The following PLCD4 variants were observed in gnomAD, a reference collection of about 807,000 sequenced individuals.
PLCD4 encodes 1-phosphatidylinositol 4,5-bisphosphate phosphodiesterase delta-4.
PLCD4 carries 63 observed loss-of-function variants against 90.2 expected under a neutral mutation model. The ratio of observed to expected loss-of-function variants is 0.70; its 90% CI spans 0.57 to 0.86. The LOEUF (loss-of-function observed/expected upper bound fraction) is 0.86, where lower values mean the gene tolerates loss of function less well. Among genes scored for constraint, PLCD4 ranks in the 40% least tolerant of loss-of-function variants. The pLI is 0.00. For missense variants in PLCD4, 830 were observed against 956.3 expected (o/e 0.87, Z 1.74); for synonymous variants, 294 against 356.5 (o/e 0.82, Z 1.97).
At chr2:218,611,432 G>A (rs1695327353) in intron 1 of PLCD4, among the ~76,000 whole-genome samples, 1 of 152,152 alleles carries the variant, frequency 6.6e-6, no homozygotes, top group Admixed American at 6.6e-5. Flanking sequence ...AGGCGTAAGG[G>A]AAGGTAATGC....
chr2:218,618,486 T>C, intron 3 of PLCD4, 93 bp from the exon 4 acceptor site: 2 of 1,105,260 alleles, frequency 1.8e-6, no homozygotes, highest in South Asian at 1.4e-5. Context: ...TTCTATGGTG[T>C]CATGGAGAAG....
chr2:218,626,311 A>G (rs1360752101), intron 6 of PLCD4, among the ~76,000 whole-genome samples: 1 of 151,658 alleles, frequency 6.6e-6, no homozygotes, highest in Non-Finnish European at 1.5e-5. Context: ...CTTCTTCACA[A>G]TCTCCAGGCC....
chr2:218,622,567 T>TA (rs965387669), intron 5 of PLCD4, 80 bp from the exon 6 acceptor site: 15 of 1,033,252 alleles, frequency 1.5e-5, no homozygotes, highest in Admixed American at 3.0e-5. Flanking sequence ...CAGAAAAATT[T>TA]AAAAAAAAAT....
rs1184250728 is a variant in PLCD4 at position 218,616,724 on chromosome 2, T to TAC, written c.181+663_181+664insCA. Among the ~76,000 whole-genome samples, 466 of 112,610 alleles carry TAC rather than the reference T, an allele frequency of 4.1e-3. 2 individuals are homozygous for TAC. Among genetic ancestry groups the TAC allele is most frequent in the Admixed American group, 6.3e-3 (55 of 8,748 alleles). The allele number at this position is 112,610 out of a possible 152,430, so 73.9% of individuals were successfully genotyped here. On this transcript the variant is annotated intron_variant, in intron 3 of 15. Transcript: ENST00000450993. ...GAGACCCTGTCTCTACAAAAATACA[T>TAC]ATATACATACATACATACATACATA...
chr2:218,618,692 C>T lies in PLCD4; in HGVS notation c.295C>T (p.Arg99Cys), dbSNP rs781374480. The T allele has an allele frequency of 5.6e-5, 90 of 1,613,736 alleles. No individual in the cohort carries two copies. Among genetic ancestry groups the T allele is most frequent in the Admixed American group, 8.3e-5 (5 of 59,980 alleles). Residue 99 changes from arginine (R) to cysteine (C), a missense_variant, in exon 4 of 16, where the codon CGC becomes TGC. Coordinates refer to ENST00000450993, the MANE Select transcript of PLCD4 (RefSeq NM_032726.4). ...CTTCACCATTGTCTTCCATGGCCGC[C>T]GCTCCAACCTGGACCTGATGGCCAA... ...QGFTIVFHGR[R>C]SNLDLMANSV...
At chr2:218,636,446 A>G (rs747133952) in intron 15 of PLCD4, 25 bp from the exon 16 acceptor site, 1 of 1,613,906 alleles carries the variant, frequency 6.2e-7, no homozygotes, top group Non-Finnish European at 8.5e-7. Context: ...CTGCCTTCCT[A>G]ATGCTGTCCT....
chr2:218,623,282 T>G (rs1445541640), intron 6 of PLCD4, among the ~76,000 whole-genome samples: 2 of 152,212 alleles, frequency 1.3e-5, no homozygotes, highest in Non-Finnish European at 2.9e-5. Context: ...ATGGTTCCTG[T>G]TTGCTATTCC....
chr2:218,618,605 C>G lies in PLCD4; in HGVS notation c.208C>G (p.Arg70Gly). The change falls in exon 4 of 16, where the codon CGT becomes GGT. Residue 70 changes from arginine to glycine, a missense_variant. Coordinates refer to ENST00000450993, the MANE Select transcript of PLCD4 (RefSeq NM_032726.4). ...SFSISDVETIRNGHDSELLRS... is the reference protein window; with the variant it reads ...SFSISDVETIGNGHDSELLRS... ...CTCAATCTCTGATGTGGAGACAATACGTAATGGCCATGATTCCGAGTTGCT... is the reference window on the plus strand; with the variant it reads ...CTCAATCTCTGATGTGGAGACAATAGGTAATGGCCATGATTCCGAGTTGCT... The G allele has an allele frequency of 6.2e-7, 1 of 1,614,046 alleles. No individual in the cohort carries two copies. Among genetic ancestry groups the G allele is most frequent in the Non-Finnish European group, 8.5e-7 (1 of 1,179,894 alleles).
Position 218,636,815 on chromosome 2 carries a change from C to T in PLCD4, c.*238C>T. 3.4e-6 allele frequency: 2 copies of T among 589,842 alleles called. No homozygotes were observed. Among genetic ancestry groups the T allele is most frequent in the African/African-American group, 1.8e-5 (1 of 54,340 alleles). 36.5% of individuals were successfully genotyped at this position (589,842 alleles called of 1,614,324 possible). On this transcript the variant is annotated 3_prime_UTR_variant, in exon 16 of 16. Transcript: ENST00000450993. ...CTTTGGTATCTTTCCTGCCCTTTTC[C>T]TTTGTGTACTCTATACTGGAGTTCC...
At chr2:218,629,203 T>C in intron 7 of PLCD4, 1 of 236,086 alleles carries the variant, frequency 4.2e-6, no homozygotes, top group Non-Finnish European at 8.6e-6. Context: ...GTGACAGATT[T>C]AGACCCTGTC....
chr2:218,616,927 T>TATATATAGAGAG (rs1553571947), intron 3 of PLCD4, among the ~76,000 whole-genome samples: 5 of 13,762 alleles, frequency 3.6e-4, no homozygotes, highest in African/African-American at 5.8e-4. Flanking sequence ...TATATATATA[T>TATATATAGAGAG]AGAGAGAGAG....
At chr2:218,633,415 T>C (rs780572802) in intron 10 of PLCD4, 190 bp from the exon 11 acceptor site, 1 of 737,998 alleles carries the variant, frequency 1.4e-6, no homozygotes, top group South Asian at 1.5e-5. Context: ...TTTGTCCGTC[T>C]ATCTGTTGTC....
chr2:218,635,673 A>T, intron 13 of PLCD4, 123 bp from the exon 14 acceptor site: 1 of 1,340,046 alleles, frequency 7.5e-7, no homozygotes, highest in Non-Finnish European at 1.0e-6. Flanking sequence ...ACTAGAAGAA[A>T]ATATATTACC....
intron 1 of PLCD4, 100 bp from the exon 2 acceptor site, chr2:218,615,606 TA>T: frequency 2.1e-6 from 2 of 946,996 alleles, no homozygotes; most frequent in South Asian, 2.0e-5. Context: ...TAAACCTATC[TA>T]AAGTGTCAGA....
chr2:218,616,925 TATAGAGAGAGAGAGAGAGAGAG>T (rs1370061231), intron 3 of PLCD4, among the ~76,000 whole-genome samples: 6 of 22,234 alleles, frequency 2.7e-4, no homozygotes, highest in African/African-American at 9.8e-4. Context: ...TATATATATA[TATAGAGAGAGAGAGAGAGAGAG>T]AGAGAGAGAG....
chr2:218,634,541 C>T lies in PLCD4; in HGVS notation c.1807C>T (p.Leu603=), dbSNP rs1263131530. 1 of 1,614,066 alleles carries T rather than the reference C, an allele frequency of 6.2e-7. No individual in the cohort carries two copies. Among genetic ancestry groups the T allele is most frequent in the Non-Finnish European group, 8.5e-7 (1 of 1,179,894 alleles). ...CCAGAATGGCGGCTGTGGCTATGTGCTGAAGCCAGACTTCCTGCGTGATAT... is the reference window on the plus strand; with the variant it reads ...CCAGAATGGCGGCTGTGGCTATGTGTTGAAGCCAGACTTCCTGCGTGATAT... ...FRQNGGCGYV[L]KPDFLRDIQS... The change falls in exon 13 of 16, where the codon CTG becomes TTG. Residue 603 remains leucine, a synonymous_variant. Transcript: ENST00000450993. The surrounding 1 kb of genome is among the most constrained non-coding windows in gnomAD (Gnocchi z 4.0).
intron 4 of PLCD4, among the ~76,000 whole-genome samples, chr2:218,620,181 ATAAAG>A (rs1244646656): frequency 6.6e-6 from 1 of 152,162 alleles, no homozygotes; most frequent in Non-Finnish European, 1.5e-5. Flanking sequence ...CACCTGGCTC[ATAAAG>A]TAAACTTTAA....
chr2:218,629,538 C>A lies in PLCD4; in HGVS notation c.994C>A (p.Arg332Ser), dbSNP rs200258640. ...GYIRALKRGC[R>S]CVEVDVWDGP... is the part of the protein sequence containing the mutation. ...TTTCAGGGCCCTGAAGCGGGGGTGC[C>A]GCTGCGTGGAGGTGGATGTATGGGA... Residue 332 changes from arginine (R) to serine (S), a missense_variant, in exon 8 of 16, where the codon CGC (arginine) becomes AGC (serine). Physicochemically the swap from Arg to Ser is moderately radical, Grantham distance 110. Coordinates refer to ENST00000450993, the MANE Select transcript of PLCD4 (RefSeq NM_032726.4). 7 of 1,613,280 alleles carry A rather than the reference C, an allele frequency of 4.3e-6. No homozygotes were observed. The highest frequency in any genetic ancestry group is 4.2e-6 in the Non-Finnish European group (5 of 1,179,780).
At chr2:218,623,256 C>G (rs750880995) in intron 6 of PLCD4, among the ~76,000 whole-genome samples, 1 of 152,160 alleles carries the variant, frequency 6.6e-6, no homozygotes. Context: ...ATTCCTTTTC[C>G]TCTGGTTCTT....
Sources: gnomAD v4.1 joint callset for allele counts (sites outside exome capture counted in the v4.1 genomes callset) on GRCh38, gnomAD v4.1.1 for gene constraint, Gnocchi (gnomAD v3.1) non-coding constraint, MANE v1.5 for transcripts, NCBI Gene and HGNC (gene_info 2026-07-23, HGNC 2026-07-21) for gene names.